The following CTNNA3 variants were observed in gnomAD, a reference collection of about 807,000 sequenced individuals.
CTNNA3 encodes catenin alpha 3.
Under a neutral mutation model 95.7 loss-of-function variants are expected in CTNNA3, and 76 were observed. That is an observed-to-expected ratio of 0.79 (90% CI 0.66 to 0.96). The LOEUF is 0.96. Among genes scored for constraint, CTNNA3 ranks in the 40% least tolerant of loss-of-function variants. The pLI is 0.00. For synonymous variants in CTNNA3, 431 were observed against 374.4 expected, an observed-to-expected ratio of 1.15 and a Z score of -1.74; for missense variants, 1,191 against 1,089.8, an observed-to-expected ratio of 1.09 and a Z score of -1.31.
chr10:67,097,954 G>C (rs2131934984), intron 7 of CTNNA3: 1 of 651,440 alleles, frequency 1.5e-6, no homozygotes, highest in Admixed American at 2.9e-5. Context: ...AAATAAAGAA[G>C]ACATGAATTG....
At chr10:67,112,648 C>A (rs573217170) in intron 7 of CTNNA3, among the ~76,000 whole-genome samples, 2 of 150,714 alleles carry the variant, frequency 1.3e-5, no homozygotes, top group South Asian at 2.1e-4. Flanking sequence ...AATTTCAGAG[C>A]AGAGAGGAAC....
At chr10:66,157,668 C>T (rs540036971) in intron 13 of CTNNA3, among the ~76,000 whole-genome samples, 9 of 152,046 alleles carry the variant, frequency 5.9e-5, no homozygotes, top group African/African-American at 2.2e-4. Flanking sequence ...GATTTCTTTT[C>T]CTCTGGGTAG....
chr10:67,296,844 G>A (rs751358198), intron 5 of CTNNA3, among the ~76,000 whole-genome samples: 26 of 143,980 alleles, frequency 1.8e-4, no homozygotes, highest in Non-Finnish European at 3.0e-4. Flanking sequence ...TGAGGCAGGA[G>A]AATCGCTTCA....
At chr10:66,677,907 T>G (rs1248767638) in intron 9 of CTNNA3, among the ~76,000 whole-genome samples, 1 of 102,210 alleles carries the variant, frequency 9.8e-6, no homozygotes, top group Non-Finnish European at 2.0e-5. Context: ...TAGGTCAAAC[T>G]TTGAGTAACA....
intron 10 of CTNNA3, among the ~76,000 whole-genome samples, chr10:66,563,388 CA>C: frequency 6.6e-6 from 1 of 151,996 alleles, no homozygotes; most frequent in East Asian, 1.9e-4. Flanking sequence ...ACAGGCATAC[CA>C]AATCCTGATT....
At chr10:67,599,154 G>A (rs560482677) in intron 3 of CTNNA3, among the ~76,000 whole-genome samples, 50 of 152,102 alleles carry the variant, frequency 3.3e-4, no homozygotes, top group African/African-American at 1.1e-3. Context: ...AATAAAAACC[G>A]AATCAACCTG....
rs192537969 is a variant in CTNNA3 at position 67,368,175 on chromosome 10, C to T, written c.580-148305G>A. Among the ~76,000 whole-genome samples, 288 of 152,124 alleles carry T rather than the reference C, an allele frequency of 1.9e-3. 1 individual carries two copies. The highest frequency in any genetic ancestry group is 0.017 in the Middle Eastern group (5 of 294). On this transcript the variant is annotated intron_variant, in intron 5 of 17. Transcript: ENST00000433211. Reference sequence around the variant, plus strand: ...TAGAATATTTAAAGAAGTTTTACAACTTGATAGAAGGACAAACAAAAGATT... The same window carrying T: ...TAGAATATTTAAAGAAGTTTTACAATTTGATAGAAGGACAAACAAAAGATT...
intron 7 of CTNNA3, among the ~76,000 whole-genome samples, chr10:66,882,159 T>C (rs1014157691): frequency 6.6e-6 from 1 of 152,074 alleles, no homozygotes; most frequent in Non-Finnish European, 1.5e-5. Context: ...GGATAGCATT[T>C]TAAATCAGGT....
chr10:67,426,340 G>A (rs1321272332), intron 5 of CTNNA3, among the ~76,000 whole-genome samples: 1 of 151,966 alleles, frequency 6.6e-6, no homozygotes, highest in Non-Finnish European at 1.5e-5. Flanking sequence ...TAAAAGCAAA[G>A]GGGAAAACTA....
intron 7 of CTNNA3, among the ~76,000 whole-genome samples, chr10:67,005,609 G>A (rs1272734619): frequency 2.0e-5 from 3 of 149,030 alleles, no homozygotes; most frequent in Non-Finnish European, 3.0e-5. Context: ...AAGGTATGTG[G>A]TCTCAAATCG....
chr10:66,458,912 C>T (rs2093511303), intron 11 of CTNNA3, among the ~76,000 whole-genome samples: 1 of 152,028 alleles, frequency 6.6e-6, no homozygotes, highest in African/African-American at 2.4e-5. Context: ...TTTTTGTGTC[C>T]TGGCTTTCAA....
intron 11 of CTNNA3, among the ~76,000 whole-genome samples, chr10:66,448,804 G>A (rs907892069): frequency 1.3e-5 from 2 of 151,818 alleles, no homozygotes; most frequent in African/African-American, 2.4e-5. Flanking sequence ...TTGTCCACAT[G>A]TACCCTAAAA....
intron 10 of CTNNA3, among the ~76,000 whole-genome samples, chr10:66,538,704 G>T (rs1183223361): frequency 3.3e-5 from 5 of 152,118 alleles, no homozygotes; most frequent in African/African-American, 9.7e-5. Context: ...GAGAAAAACT[G>T]CTGATTTTAA....
intron 13 of CTNNA3, among the ~76,000 whole-genome samples, chr10:66,238,998 A>G (rs1478437218): frequency 1.3e-5 from 2 of 151,854 alleles, no homozygotes; most frequent in Non-Finnish European, 1.5e-5. Context: ...GCCATTCAGT[A>G]AATGAAATGA....
chr10:66,457,563 A>C (rs1359463117), intron 11 of CTNNA3, among the ~76,000 whole-genome samples: 1 of 151,860 alleles, frequency 6.6e-6, no homozygotes, highest in Non-Finnish European at 1.5e-5. Flanking sequence ...GAATATAAAC[A>C]CAGCTCCATT....
rs578254185 is a variant in CTNNA3 at position 66,099,928 on chromosome 10, C to T, written c.1977+3229G>A. 7.2e-5 allele frequency among the ~76,000 whole-genome samples: 11 copies of T among 152,176 alleles called. No individual in the cohort carries two copies. In the South Asian group the frequency reaches 2.1e-3, roughly 29 times the overall value. Reference sequence around the variant, plus strand: ...GTCTGAAGACATAATCCTCTTACTACACAAGTTACATAAATTTGAGCCTTA... The same window carrying T: ...GTCTGAAGACATAATCCTCTTACTATACAAGTTACATAAATTTGAGCCTTA... On this transcript the variant is annotated intron_variant, in intron 14 of 17. Transcript: ENST00000433211.
intron 7 of CTNNA3, among the ~76,000 whole-genome samples, chr10:67,009,839 T>A (rs1925621): frequency 0.53 from 80,419 of 151,972 alleles, 21,977 homozygotes; most frequent in Middle Eastern, 0.74. Flanking sequence ...GCTAAAAACA[T>A]ATCCTTTTGC....
intron 11 of CTNNA3, among the ~76,000 whole-genome samples, chr10:66,497,244 A>C (rs1162821723): frequency 6.6e-6 from 1 of 152,038 alleles, no homozygotes; most frequent in Non-Finnish European, 1.5e-5. Context: ...ATATAAAAAT[A>C]ACTATCATAG....
chr10:66,934,094 G>T (rs1847558346), intron 7 of CTNNA3, among the ~76,000 whole-genome samples: 1 of 151,954 alleles, frequency 6.6e-6, no homozygotes, highest in African/African-American at 2.4e-5. Flanking sequence ...TCTGGGACAT[G>T]ATATAAGACC....
Sources: gnomAD v4.1 joint callset for allele counts (sites outside exome capture counted in the v4.1 genomes callset) on GRCh38, gnomAD v4.1.1 for gene constraint, MANE v1.5 for transcripts, NCBI Gene and HGNC (gene_info 2026-07-23, HGNC 2026-07-21) for gene names.